The following ABCC12 variants were observed in gnomAD, a reference collection of about 807,000 sequenced individuals.
ABCC12 encodes the protein ATP binding cassette subfamily C member 12.
Under a neutral mutation model 151.1 loss-of-function variants are expected in ABCC12, and 142 were observed. That is an observed-to-expected ratio of 0.94 (90% CI 0.82 to 1.08). The LOEUF is 1.08. ABCC12 is among the 50% of genes least tolerant of loss of function. The pLI is 0.00. For synonymous variants in ABCC12, 645 were observed against 646.4 expected (o/e 1.00, Z 0.03); for missense variants, 1,638 against 1,691.1 (o/e 0.97, Z 0.55).
intron 24 of ABCC12, among the ~76,000 whole-genome samples, chr16:48,095,814 A>G (rs1963074823): frequency 6.6e-6 from 1 of 152,258 alleles, no homozygotes; most frequent in Non-Finnish European, 1.5e-5. Context: ...AACTCACAGC[A>G]TCAAACAGAA....
Position 48,083,918 on chromosome 16 carries a change from T to G in ABCC12, c.3984A>C (p.Glu1328Asp). The change falls in exon 30 of 31, where the codon GAA (glutamate) becomes GAC (aspartate). Residue 1328 changes from glutamate to aspartate, a missense_variant. Transcript: ENST00000311303. ...AAAGAGCTTCCTATACCTTCCCATT[T>G]TCCATAACCAGGACGTGATCGCAGT... ...VLNCDHVLVM[E>D]NGKVIEFDKP... 6.2e-7 allele frequency: 1 copy of G among 1,612,016 alleles called. No homozygotes were observed. Among genetic ancestry groups the G allele is most frequent in the Non-Finnish European group, 8.5e-7 (1 of 1,179,478 alleles).
intron 4 of ABCC12, among the ~76,000 whole-genome samples, chr16:48,143,436 A>G (rs1271827161): frequency 1.3e-5 from 2 of 152,178 alleles, no homozygotes; most frequent in African/African-American, 4.8e-5. Flanking sequence ...GTCATTTTCC[A>G]TGTTGGGGAA....
chr16:48,145,526 T>C (rs1329528483), intron 3 of ABCC12, among the ~76,000 whole-genome samples: 1 of 152,214 alleles, frequency 6.6e-6, no homozygotes, highest in African/African-American at 2.4e-5. Flanking sequence ...TCGAGTCTGT[T>C]TCCTCACACT....
chr16:48,143,402 G>C (rs1964886597), intron 4 of ABCC12, among the ~76,000 whole-genome samples: 1 of 152,230 alleles, frequency 6.6e-6, no homozygotes, highest in Non-Finnish European at 1.5e-5. Flanking sequence ...AAATCTCAGA[G>C]AATGGTTACC....
At chr16:48,084,174 AC>A in intron 29 of ABCC12, 101 bp from the exon 30 acceptor site, 1 of 1,237,254 alleles carries the variant, frequency 8.1e-7, no homozygotes, top group Non-Finnish European at 1.1e-6. Context: ...GAAAAATAAG[AC>A]CACAAGATGA....
chr16:48,110,047 C>T (rs1186272416), intron 18 of ABCC12, among the ~76,000 whole-genome samples: 1 of 152,216 alleles, frequency 6.6e-6, no homozygotes, highest in East Asian at 1.9e-4. Flanking sequence ...GCAGAGATTA[C>T]TCTCTCCACG....
At chr16:48,087,058 G>A (rs1438973475) in intron 27 of ABCC12, 4 of 448,790 alleles carry the variant, frequency 8.9e-6, no homozygotes, top group East Asian at 3.7e-5. Context: ...AATGACAGGT[G>A]GAACCCTGCC....
intron 16 of ABCC12, 24 bp from the exon 17 acceptor site, chr16:48,111,686 C>G: frequency 6.2e-7 from 1 of 1,614,110 alleles, no homozygotes; most frequent in Non-Finnish European, 8.5e-7. Context: ...GAAATTCCTT[C>G]TGAATGCTAA....
intron 8 of ABCC12, among the ~76,000 whole-genome samples, chr16:48,137,597 T>A (rs565921467): frequency 1.1e-4 from 16 of 152,316 alleles, no homozygotes; most frequent in Non-Finnish European, 2.2e-4. Flanking sequence ...TCCATGCTGG[T>A]GCAAAAGTGT....
At chr16:48,093,121 G>A (rs911516153) in intron 24 of ABCC12, among the ~76,000 whole-genome samples, 1 of 152,244 alleles carries the variant, frequency 6.6e-6, no homozygotes, top group Non-Finnish European at 1.5e-5. Flanking sequence ...AGCGTCTCAT[G>A]AGCAGAGCCA....
In ABCC12 at chr16:48,155,978, G is replaced by T. The variant is rs1016073787; in HGVS notation, c.-457C>A. On this transcript the variant is annotated 5_prime_UTR_variant, in exon 1 of 31. Transcript: ENST00000311303. Reference sequence around the variant, plus strand: ...GTTTCTCTTGTCCCACCCGCCTGAAGTCCTCCTCTCCAACTGCCCCATTCA... The same window carrying T: ...GTTTCTCTTGTCCCACCCGCCTGAATTCCTCCTCTCCAACTGCCCCATTCA... 1 of 152,354 alleles carries T rather than the reference G, an allele frequency of 6.6e-6. No individual in the cohort carries two copies. Among genetic ancestry groups the T allele is most frequent in the Non-Finnish European group, 1.5e-5 (1 of 68,182 alleles). The allele number at this position is 152,354 out of a possible 1,614,324, so 9.4% of individuals were successfully genotyped here.
chr16:48,136,349 G>A (rs1279467410), intron 8 of ABCC12, among the ~76,000 whole-genome samples: 2 of 152,122 alleles, frequency 1.3e-5, no homozygotes, highest in African/African-American at 2.4e-5. Flanking sequence ...AGCCACTTCT[G>A]CAGGGAAGCC....
chr16:48,091,072 C>T (rs764244834), intron 25 of ABCC12, 48 bp downstream of exon 25: 7 of 1,578,760 alleles, frequency 4.4e-6, no homozygotes, highest in Admixed American at 1.7e-5. Context: ...TTGCCCAAGT[C>T]CTGCCAAAAT....
chr16:48,124,351 T>C, intron 11 of ABCC12, 67 bp from the exon 12 acceptor site: 3 of 1,513,454 alleles, frequency 2.0e-6, no homozygotes, highest in South Asian at 2.2e-5. Flanking sequence ...GGCCCAAAGG[T>C]GCCACTCCCA....
chr16:48,126,052 G>A (rs546986952), intron 11 of ABCC12, among the ~76,000 whole-genome samples: 5 of 152,284 alleles, frequency 3.3e-5, no homozygotes, highest in African/African-American at 9.6e-5. Flanking sequence ...AGAGGCCTCC[G>A]TGAACTTCCT....
Position 48,120,730 on chromosome 16 carries a change from AT to A in ABCC12, c.1712+985del, listed in dbSNP as rs1458326133. Among the ~76,000 whole-genome samples, 4 of 151,978 alleles carry A rather than the reference AT, an allele frequency of 2.6e-5. 1 individual carries two copies. The highest frequency in any genetic ancestry group is 5.9e-5 in the Non-Finnish European group (4 of 67,966). On this transcript the variant is annotated intron_variant, in intron 13 of 30. Coordinates refer to ENST00000311303, the MANE Select transcript of ABCC12 (RefSeq NM_001393797.1). The stretch of plus-strand genomic sequence containing the variant: ...ACCACCACGCCCAGCTAATTTTTGT[AT>A]TTTTAGTAGAGACAGGGTTTCACCA...
Position 48,115,481 on chromosome 16 carries a change from G to A in ABCC12, c.1923C>T (p.Val641=). 1.2e-6 allele frequency: 2 copies of A among 1,614,214 alleles called. No individual in the cohort carries two copies. The highest frequency in any genetic ancestry group is 1.7e-6 in the Non-Finnish European group (2 of 1,180,042). ...SAVDAHVGKH[V]FEECIKKTLR... Reference sequence around the variant, plus strand: ...GCGTCTTCTTAATGCACTCCTCAAAGACGTGCTTCCCCACGTGGGCGTCCA... The same window carrying A: ...GCGTCTTCTTAATGCACTCCTCAAAAACGTGCTTCCCCACGTGGGCGTCCA... The change falls in exon 15 of 31, where the codon GTC becomes GTT. Residue 641 remains valine, a synonymous_variant. Transcript: ENST00000311303.
intron 2 of ABCC12, among the ~76,000 whole-genome samples, chr16:48,151,206 G>T (rs776628868): frequency 1.3e-5 from 2 of 152,152 alleles, no homozygotes; most frequent in African/African-American, 4.8e-5. Context: ...ATATGATGGG[G>T]CAAAAAGGGC....
intron 6 of ABCC12, among the ~76,000 whole-genome samples, chr16:48,140,413 C>T (rs922149123): frequency 2.6e-5 from 4 of 152,124 alleles, no homozygotes; most frequent in Admixed American, 6.6e-5. Flanking sequence ...CCCCACTGAC[C>T]ATCAAAGCGA....
Sources: allele counts gnomAD v4.1 joint callset (sites outside exome capture counted in the v4.1 genomes callset), GRCh38; gene constraint gnomAD v4.1.1; transcripts MANE v1.5; gene names NCBI Gene and HGNC (gene_info 2026-07-23, HGNC 2026-07-21).